The following BARX2 variants were observed in gnomAD, a reference collection of about 807,000 sequenced individuals.
BARX2 encodes the protein homeobox protein BarH-like 2.
BARX2 carries 11 observed loss-of-function variants against 25.5 expected under a neutral mutation model. That is an observed-to-expected ratio of 0.43 (90% CI 0.27 to 0.71). The LOEUF is 0.71. BARX2 is among the 30% of genes least tolerant of loss of function. BARX2 has a pLI of 0.19. For missense variants in BARX2, 360 were observed against 359.9 expected, an observed-to-expected ratio of 1.00 and a Z score of 0.00; for synonymous variants, 137 against 149.5, an observed-to-expected ratio of 0.92 and a Z score of 0.61.
intron 1 of BARX2, among the ~76,000 whole-genome samples, chr11:129,427,206 A>G (rs1248578208): frequency 6.6e-6 from 1 of 152,194 alleles, no homozygotes; most frequent in Non-Finnish European, 1.5e-5. Flanking sequence ...AATCCTCACG[A>G]TAATCCAGGA....
intron 1 of BARX2, among the ~76,000 whole-genome samples, chr11:129,403,116 G>A (rs535184999): frequency 4.1e-4 from 63 of 152,318 alleles, no homozygotes; most frequent in African/African-American, 1.4e-3. Flanking sequence ...CCTCACCTGC[G>A]GCTCTGCTGC....
intron 1 of BARX2, among the ~76,000 whole-genome samples, chr11:129,379,537 A>C (rs533637183): frequency 3.3e-5 from 5 of 152,164 alleles, no homozygotes; most frequent in South Asian, 2.1e-4. Context: ...GTTGTGATTA[A>C]TGTTTCTTGG....
chr11:129,407,080 C>T (rs1591434943), intron 1 of BARX2, among the ~76,000 whole-genome samples: 1 of 146,658 alleles, frequency 6.8e-6, no homozygotes, highest in Non-Finnish European at 1.5e-5. Context: ...ACTCTAAGTC[C>T]TACAGCTTGC....
At chr11:129,445,051 C>A (rs1365701689) in intron 3 of BARX2, among the ~76,000 whole-genome samples, 2 of 151,666 alleles carry the variant, frequency 1.3e-5, no homozygotes, top group Non-Finnish European at 2.9e-5. Flanking sequence ...AAATAAAAAA[C>A]CAAGAAATTG....
At chr11:129,431,352 C>T (rs1476187678) in intron 1 of BARX2, among the ~76,000 whole-genome samples, 1 of 152,156 alleles carries the variant, frequency 6.6e-6, no homozygotes, top group Non-Finnish European at 1.5e-5. Flanking sequence ...GTTTGTTTAA[C>T]TTTATAAGAA....
At chr11:129,391,906 A>G (rs1040783074) in intron 1 of BARX2, among the ~76,000 whole-genome samples, 38 of 152,258 alleles carry the variant, frequency 2.5e-4, no homozygotes, top group Admixed American at 1.2e-3. Context: ...TTTCAGTTTG[A>G]GATTTGGATG....
chr11:129,386,888 C>G (rs971883021), intron 1 of BARX2, among the ~76,000 whole-genome samples: 1 of 152,188 alleles, frequency 6.6e-6, no homozygotes, highest in Admixed American at 6.5e-5. Flanking sequence ...TCTGCCTAAA[C>G]AAATACATAG....
chr11:129,442,372 C>A (rs957199061), intron 2 of BARX2, among the ~76,000 whole-genome samples: 1 of 152,124 alleles, frequency 6.6e-6, no homozygotes, highest in African/African-American at 2.4e-5. Context: ...GCAGAGGAGA[C>A]GAGCTGTGGG....
At chr11:129,443,904 C>T (rs1358507591) in intron 3 of BARX2, among the ~76,000 whole-genome samples, 1 of 152,044 alleles carries the variant, frequency 6.6e-6, no homozygotes, top group Admixed American at 6.6e-5. Flanking sequence ...CCAGGTGCCA[C>T]CATGCCACCT....
intron 2 of BARX2, among the ~76,000 whole-genome samples, chr11:129,441,307 ACTT>A (rs1862254389): frequency 6.6e-6 from 1 of 152,056 alleles, no homozygotes; most frequent in Non-Finnish European, 1.5e-5. Flanking sequence ...ATCCTGCCCC[ACTT>A]CTTAACTCTA....
At chr11:129,414,272 T>C (rs1861921127) in intron 1 of BARX2, among the ~76,000 whole-genome samples, 1 of 152,172 alleles carries the variant, frequency 6.6e-6, no homozygotes, top group South Asian at 2.1e-4. Flanking sequence ...TCTAGGCTTG[T>C]AAGTATTGTA....
At chr11:129,437,180 G>C in intron 2 of BARX2, 129 bp downstream of exon 2, 1 of 1,071,550 alleles carries the variant, frequency 9.3e-7, no homozygotes, top group Non-Finnish European at 1.3e-6. Context: ...TCCACTCCTT[G>C]GCTCAAATCA....
chr11:129,385,480 A>G (rs907947355), intron 1 of BARX2, among the ~76,000 whole-genome samples: 4 of 152,258 alleles, frequency 2.6e-5, no homozygotes, highest in African/African-American at 9.6e-5. Flanking sequence ...AATGAACCAG[A>G]TACACTTGTA....
In BARX2 at chr11:129,436,285, A is replaced by T. The variant is rs2135411497; in HGVS notation, c.188-466A>T. 6.3e-6 allele frequency: 1 copy of T among 158,128 alleles called. No homozygotes were observed. The highest frequency in any genetic ancestry group is 2.1e-4 in the South Asian group (1 of 4,870). 9.8% of individuals were successfully genotyped at this position (158,128 alleles called of 1,614,324 possible). On this transcript the variant is annotated intron_variant, in intron 1 of 3. Coordinates refer to ENST00000281437, the MANE Select transcript of BARX2 (RefSeq NM_003658.5). The surrounding 1 kb of genome is among the most constrained non-coding windows in gnomAD (Gnocchi z 4.5). ...CAAGCTCTGAAAAATGCTATGCTTC[A>T]AGGTACACAGACTTCTCAGGAAGAA...
intron 1 of BARX2, among the ~76,000 whole-genome samples, chr11:129,423,750 A>G (rs759817392): frequency 1.3e-5 from 2 of 152,010 alleles, no homozygotes; most frequent in African/African-American, 2.4e-5. Context: ...GCTGCCTCTT[A>G]TGCTATATAA....
chr11:129,425,613 T>G (rs907470821), intron 1 of BARX2, among the ~76,000 whole-genome samples: 2 of 152,196 alleles, frequency 1.3e-5, no homozygotes, highest in African/African-American at 4.8e-5. Flanking sequence ...TGGGCTAGCT[T>G]AATCGATCTC....
At chr11:129,440,308 G>T (rs1862241887) in intron 2 of BARX2, among the ~76,000 whole-genome samples, 1 of 152,266 alleles carries the variant, frequency 6.6e-6, no homozygotes, top group East Asian at 1.9e-4. Context: ...AACACTGTTT[G>T]CTAATGCAGT....
chr11:129,381,731 A>G (rs1180146835), intron 1 of BARX2, among the ~76,000 whole-genome samples: 1 of 152,218 alleles, frequency 6.6e-6, no homozygotes, highest in Non-Finnish European at 1.5e-5. Flanking sequence ...AACATATCCC[A>G]AAAATCTATA....
chr11:129,424,208 C>T (rs1862039425), intron 1 of BARX2, among the ~76,000 whole-genome samples: 2 of 152,210 alleles, frequency 1.3e-5, no homozygotes, highest in Admixed American at 1.3e-4. Context: ...AACCCTTCAA[C>T]TTTGGTTTTG....
Sources: gnomAD v4.1 joint callset for allele counts (sites outside exome capture counted in the v4.1 genomes callset) on GRCh38, gnomAD v4.1.1 for gene constraint, Gnocchi (gnomAD v3.1) non-coding constraint, MANE v1.5 for transcripts, NCBI Gene and HGNC (gene_info 2026-07-23, HGNC 2026-07-21) for gene names.